UNC13C: variants seen among roughly 807,000 people sequenced by gnomAD.
UNC13C encodes the protein protein unc-13 homolog C.
A neutral mutation model predicts 245.4 loss-of-function variants in UNC13C; 174 were observed. That is an observed-to-expected ratio of 0.71 (90% confidence interval 0.63 to 0.80). UNC13C has a LOEUF of 0.80. UNC13C is among the 30% of genes least tolerant of loss of function. The probability of loss-of-function intolerance (pLI) is 0.00; values close to 1 mark genes in which losing one functional copy is unlikely to be tolerated. For missense variants in UNC13C, 2,829 were observed against 2,602.9 expected, an observed-to-expected ratio of 1.09 and a Z score of -1.89; for synonymous variants, 992 against 895.1, an observed-to-expected ratio of 1.11 and a Z score of -1.93.
intron 10 of UNC13C, among the ~76,000 whole-genome samples, chr15:54,278,179 C>T (rs1324694868): frequency 6.6e-6 from 1 of 152,118 alleles, no homozygotes; most frequent in Non-Finnish European, 1.5e-5. Flanking sequence ...AATATTGGCA[C>T]CCAACTCTCT....
At chr15:54,044,065 G>A (rs1415298867) in intron 2 of UNC13C, among the ~76,000 whole-genome samples, 1 of 152,042 alleles carries the variant, frequency 6.6e-6, no homozygotes, top group Non-Finnish European at 1.5e-5. Context: ...CATGTTTATT[G>A]TCGTCACTCT....
At chr15:54,100,361 A>T (rs1208443557) in intron 2 of UNC13C, among the ~76,000 whole-genome samples, 3 of 152,100 alleles carry the variant, frequency 2.0e-5, no homozygotes, top group Non-Finnish European at 4.4e-5. Context: ...CTGCTTATTG[A>T]CATGTTCTCC....
At chr15:54,619,126 A>G (rs898416605) in intron 30 of UNC13C, among the ~76,000 whole-genome samples, 2 of 152,198 alleles carry the variant, frequency 1.3e-5, no homozygotes, top group African/African-American at 4.8e-5. Context: ...ACAATCCACC[A>G]GCATTGTAAT....
intron 4 of UNC13C, among the ~76,000 whole-genome samples, chr15:54,175,616 C>T (rs1332296628): frequency 6.6e-6 from 1 of 151,026 alleles, no homozygotes; most frequent in Non-Finnish European, 1.5e-5. Flanking sequence ...GGGTTCACGC[C>T]ATTCTCCTGC....
the UNC13C span, among the ~76,000 whole-genome samples, chr15:53,970,907 ATTT>A: frequency 6.6e-6 from 1 of 152,150 alleles, no homozygotes; most frequent in Non-Finnish European, 1.5e-5. Context: ...TGTTTATTCT[ATTT>A]TTGAATTTTT....
intron 20 of UNC13C, among the ~76,000 whole-genome samples, chr15:54,496,667 C>T (rs928493965): frequency 1.4e-4 from 21 of 151,996 alleles, no homozygotes; most frequent in African/African-American, 4.6e-4. Flanking sequence ...ACATTCACAG[C>T]AACCTGGATG....
At chr15:54,137,116 A>G (rs1405159022) in intron 2 of UNC13C, among the ~76,000 whole-genome samples, 1 of 152,170 alleles carries the variant, frequency 6.6e-6, no homozygotes, top group Non-Finnish European at 1.5e-5. Flanking sequence ...AGTGGATTAC[A>G]GGCATGAGCC....
intron 2 of UNC13C, among the ~76,000 whole-genome samples, chr15:54,113,098 C>A (rs1416675940): frequency 6.6e-6 from 1 of 151,060 alleles, no homozygotes; most frequent in Non-Finnish European, 1.5e-5. Flanking sequence ...TTTTTTTTTC[C>A]ACCTCTCCTC....
chr15:54,508,067 C>T (rs1894563639), intron 23 of UNC13C, among the ~76,000 whole-genome samples: 1 of 151,948 alleles, frequency 6.6e-6, no homozygotes, highest in South Asian at 2.1e-4. Flanking sequence ...CTATAAGATG[C>T]TTCTTTTCCT....
intron 19 of UNC13C, among the ~76,000 whole-genome samples, chr15:54,437,934 C>A (rs184576695): frequency 3.3e-5 from 5 of 152,016 alleles, no homozygotes; most frequent in African/African-American, 9.6e-5. Context: ...TGTGTCATTC[C>A]TATGTCCTTT....
chr15:54,272,672 C>G (rs759804985), intron 10 of UNC13C, among the ~76,000 whole-genome samples: 2 of 151,938 alleles, frequency 1.3e-5, no homozygotes, highest in East Asian at 3.9e-4. Flanking sequence ...TGTCTAGCAG[C>G]AGGAAAATAA....
chr15:54,409,953 T>G (rs1443830774), intron 18 of UNC13C, among the ~76,000 whole-genome samples: 1 of 152,246 alleles, frequency 6.6e-6, no homozygotes, highest in South Asian at 2.1e-4. Context: ...ATCTCCAAAC[T>G]GTTTTCCACA....
chr15:54,321,112 G>C lies in UNC13C; in HGVS notation c.4269-827G>C, dbSNP rs1596214521. 3 of 511,826 alleles carry C rather than the reference G, an allele frequency of 5.9e-6. No homozygotes were observed. In the East Asian group the frequency reaches 1.6e-4, roughly 28 times the overall value. 31.7% of individuals were successfully genotyped at this position (511,826 alleles called of 1,614,324 possible). A position where few individuals can be genotyped will look rare whatever the true frequency, so the allele number is the denominator to read the frequency against. ...AGGACCACTTTGACCTCTTCAACTG[G>C]GTGAGGCACTAGCCATCTCTTGCTC... On this transcript the variant is annotated intron_variant, in intron 13 of 32. Coordinates refer to ENST00000260323, the MANE Select transcript of UNC13C (RefSeq NM_001080534.3).
chr15:54,569,344 A>G (rs1234271680), intron 30 of UNC13C, among the ~76,000 whole-genome samples: 1 of 152,162 alleles, frequency 6.6e-6, no homozygotes, highest in African/African-American at 2.4e-5. Flanking sequence ...GGAGTTGCAT[A>G]TAACATATGC....
intron 20 of UNC13C, among the ~76,000 whole-genome samples, chr15:54,495,263 G>A (rs1459467770): frequency 6.6e-6 from 1 of 151,822 alleles, no homozygotes; most frequent in Non-Finnish European, 1.5e-5. Context: ...CTATTGATGG[G>A]GTCTTCCCTA....
At chr15:53,849,965 G>A in the UNC13C span, among the ~76,000 whole-genome samples, 10 of 152,164 alleles carry the variant, frequency 6.6e-5, no homozygotes, top group South Asian at 2.1e-4. Flanking sequence ...TTCCCGCAGC[G>A]TTACCACTTA....
intron 4 of UNC13C, among the ~76,000 whole-genome samples, chr15:54,156,899 A>G (rs1897056): frequency 0.94 from 141,427 of 150,704 alleles, 67,071 homozygotes; most frequent in East Asian, 1. Context: ...AAAAGAGCTG[A>G]GGATGGCAAT....
intron 19 of UNC13C, among the ~76,000 whole-genome samples, chr15:54,427,521 T>C (rs930009372): frequency 2.6e-5 from 4 of 151,752 alleles, no homozygotes. Context: ...ATTTTTCTGA[T>C]TTAAAAACTT....
intron 4 of UNC13C, among the ~76,000 whole-genome samples, chr15:54,159,097 C>G (rs193250568): frequency 3.0e-4 from 45 of 152,318 alleles, no homozygotes; most frequent in Non-Finnish European, 5.1e-4. Context: ...GATCTTGGCA[C>G]TGCTTAGAAA....
Sources: allele counts gnomAD v4.1 joint callset (sites outside exome capture counted in the v4.1 genomes callset), GRCh38; gene constraint gnomAD v4.1.1; transcripts MANE v1.5; gene names NCBI Gene and HGNC (gene_info 2026-07-23, HGNC 2026-07-21).